SCFD2: variants seen among roughly 807,000 people sequenced by gnomAD.
SCFD2 encodes sec1 family domain containing 2.
A neutral mutation model predicts 58.9 loss-of-function variants in SCFD2; 54 were observed. That is an observed-to-expected ratio of 0.92 (90% CI 0.74 to 1.15). The LOEUF is 1.15. SCFD2 is among the 50% of genes most tolerant of loss of function. The probability of loss-of-function intolerance (pLI) is 0.00; values close to 1 mark genes in which losing one functional copy is unlikely to be tolerated. For synonymous variants in SCFD2, 321 were observed against 335.9 expected (o/e 0.96, Z 0.49); for missense variants, 805 against 836.6 (o/e 0.96, Z 0.47).
intron 5 of SCFD2, among the ~76,000 whole-genome samples, chr4:52,932,110 A>G (rs1364778458): frequency 1.3e-5 from 2 of 152,256 alleles, no homozygotes; most frequent in Admixed American, 6.5e-5. Flanking sequence ...GGTTTAAAAA[A>G]TAGTGCCAAA....
chr4:53,099,675 G>T (rs1724774400), intron 5 of SCFD2, among the ~76,000 whole-genome samples: 1 of 152,160 alleles, frequency 6.6e-6, no homozygotes, highest in African/African-American at 2.4e-5. Flanking sequence ...TTAACAAGCA[G>T]CTCTAGAAGG....
chr4:53,007,821 T>G (rs1284637464), intron 5 of SCFD2, among the ~76,000 whole-genome samples: 1 of 152,226 alleles, frequency 6.6e-6, no homozygotes, highest in Admixed American at 6.5e-5. Flanking sequence ...TTGGTCTTAG[T>G]GCATTTAAGT....
At chr4:53,234,407 A>G (rs1729532234) in intron 4 of SCFD2, among the ~76,000 whole-genome samples, 1 of 152,232 alleles carries the variant, frequency 6.6e-6, no homozygotes, top group African/African-American at 2.4e-5. Flanking sequence ...AGTAAAGTTT[A>G]TTAATTCTCT....
At chr4:53,220,140 A>C (rs1729005190) in intron 4 of SCFD2, among the ~76,000 whole-genome samples, 3 of 152,216 alleles carry the variant, frequency 2.0e-5, no homozygotes, top group Admixed American at 2.0e-4. Context: ...TGTATCTGAT[A>C]GCTTTCTCAA....
intron 5 of SCFD2, among the ~76,000 whole-genome samples, chr4:53,137,028 A>C (rs1402753891): frequency 6.6e-6 from 1 of 152,242 alleles, no homozygotes; most frequent in Non-Finnish European, 1.5e-5. Context: ...CCTCTGTTAG[A>C]GAAGTCTGTA....
intron 5 of SCFD2, among the ~76,000 whole-genome samples, chr4:52,988,620 C>T (rs1721551445): frequency 6.6e-6 from 1 of 152,152 alleles, no homozygotes; most frequent in Admixed American, 6.5e-5. Context: ...TTACCTCAAC[C>T]ATCAGGTACA....
chr4:53,057,403 G>T (rs1236892922), intron 5 of SCFD2, among the ~76,000 whole-genome samples: 1 of 152,156 alleles, frequency 6.6e-6, no homozygotes, highest in East Asian at 1.9e-4. Flanking sequence ...GAAAAAGCTG[G>T]AAAGGGATAA....
intron 2 of SCFD2, 145 bp from the exon 3 acceptor site, chr4:53,313,908 A>C (rs1270962325): frequency 4.7e-6 from 3 of 636,394 alleles, no homozygotes; most frequent in Non-Finnish European, 7.8e-6. Context: ...GGATTAAATA[A>C]AGAATGTCTA....
chr4:52,950,772 A>AC (rs1057137365), intron 5 of SCFD2: 12 of 152,120 alleles, frequency 7.9e-5, no homozygotes, highest in African/African-American at 2.7e-4. Context: ...TCAAACAGGA[A>AC]CTAGGGGGCG....
chr4:52,883,124 G>A (rs1385780199), intron 8 of SCFD2, among the ~76,000 whole-genome samples: 1 of 152,226 alleles, frequency 6.6e-6, no homozygotes, highest in Non-Finnish European at 1.5e-5. Context: ...AGCAGACAAT[G>A]GAACTAGCAC....
chr4:53,130,358 T>C (rs190772470), intron 5 of SCFD2, among the ~76,000 whole-genome samples: 78 of 152,314 alleles, frequency 5.1e-4, no homozygotes, highest in Non-Finnish European at 7.6e-4. Context: ...AAGTAAAATA[T>C]CAAACTCACT....
chr4:53,237,040 TCTTAACGAGCATGCTG>T, intron 4 of SCFD2, among the ~76,000 whole-genome samples: 1 of 149,518 alleles, frequency 6.7e-6, no homozygotes, highest in East Asian at 1.9e-4. Context: ...TGGTGATGAC[TCTTAACGAGCATGCTG>T]CCTTCAAGCA....
chr4:53,249,707 C>T (rs1020268100), intron 4 of SCFD2, among the ~76,000 whole-genome samples: 2 of 152,056 alleles, frequency 1.3e-5, no homozygotes, highest in African/African-American at 2.4e-5. Flanking sequence ...GCCAAACTAA[C>T]CTTCATAAGA....
At chr4:53,353,310 C>G (rs1426274502) in intron 1 of SCFD2, among the ~76,000 whole-genome samples, 1 of 152,140 alleles carries the variant, frequency 6.6e-6, no homozygotes, top group Non-Finnish European at 1.5e-5. Flanking sequence ...GGTTCGTGGT[C>G]TCACTGGCCT....
chr4:53,172,597 C>A (rs748569785), intron 4 of SCFD2, among the ~76,000 whole-genome samples: 1 of 152,076 alleles, frequency 6.6e-6, no homozygotes, highest in Non-Finnish European at 1.5e-5. Context: ...TCTTCTTTGA[C>A]CCATTGGTTG....
intron 2 of SCFD2, among the ~76,000 whole-genome samples, chr4:53,332,052 AG>A (rs1300503252): frequency 1.3e-5 from 2 of 152,220 alleles, no homozygotes; most frequent in Admixed American, 6.5e-5. Flanking sequence ...ACCAGGAAAA[AG>A]TTGAATCTCT....
At chr4:53,027,269 T>G (rs77110475) in intron 5 of SCFD2, among the ~76,000 whole-genome samples, 37 of 152,130 alleles carry the variant, frequency 2.4e-4, no homozygotes, top group African/African-American at 8.7e-4. Flanking sequence ...TTTTTTTTTT[T>G]GGCCACAGTC....
intron 7 of SCFD2, among the ~76,000 whole-genome samples, chr4:52,905,815 C>A (rs760675922): frequency 4.6e-5 from 7 of 152,160 alleles, no homozygotes; most frequent in Non-Finnish European, 1.0e-4. Context: ...CCAAAATAAA[C>A]ATGATCAACA....
At chr4:53,250,815 T>C (rs982400104) in intron 4 of SCFD2, among the ~76,000 whole-genome samples, 2 of 152,124 alleles carry the variant, frequency 1.3e-5, no homozygotes, top group African/African-American at 4.8e-5. Context: ...ATTGACACCC[T>C]AACATCACAA....
Sources: allele counts gnomAD v4.1 joint callset (sites outside exome capture counted in the v4.1 genomes callset), GRCh38; gene constraint gnomAD v4.1.1; transcripts MANE v1.5; gene names NCBI Gene and HGNC (gene_info 2026-07-23, HGNC 2026-07-21).